CCDC171: variants seen among roughly 807,000 people sequenced by gnomAD.
The protein encoded by CCDC171 is coiled-coil domain-containing protein 171.
In CCDC171, 177 loss-of-function variants were observed where a neutral mutation model predicts 168.2. The ratio of observed to expected loss-of-function variants is 1.05; its 90% CI spans 0.93 to 1.19. The LOEUF (loss-of-function observed/expected upper bound fraction) is 1.19, where lower values mean the gene tolerates loss of function less well. CCDC171 is among the 50% of genes most tolerant of loss of function. The pLI, the probability that CCDC171 is intolerant of heterozygous loss-of-function variation, is 0.00. For missense variants in CCDC171, 1,991 were observed against 1,539.0 expected (o/e 1.29, Z -4.91); for synonymous variants, 687 against 540.8 (o/e 1.27, Z -3.75).
chr9:16,033,949 T>C (rs141322565), intron 6 of CCDC171, among the ~76,000 whole-genome samples: 2,151 of 152,278 alleles, frequency 0.014, 45 homozygotes, highest in African/African-American at 0.048. Flanking sequence ...GGGAGTGGAA[T>C]GGTGTCTTCC....
intron 21 of CCDC171, among the ~76,000 whole-genome samples, chr9:15,840,621 C>T (rs1024161548): frequency 6.6e-6 from 1 of 152,046 alleles, no homozygotes; most frequent in Admixed American, 6.6e-5. Flanking sequence ...GCAGTGCAGC[C>T]AAACTCAGTT....
intron 3 of CCDC171, among the ~76,000 whole-genome samples, chr9:15,578,138 G>A (rs1357356749): frequency 1.3e-5 from 2 of 152,046 alleles, no homozygotes; most frequent in Non-Finnish European, 2.9e-5. Flanking sequence ...GTTCCATTTA[G>A]GGAATAGAAG....
chr9:15,872,557 C>G (rs1480130179), intron 23 of CCDC171, among the ~76,000 whole-genome samples: 1 of 151,854 alleles, frequency 6.6e-6, no homozygotes, highest in Non-Finnish European at 1.5e-5. Flanking sequence ...CCAGGATTTC[C>G]CTAGTGAATT....
At chr9:15,825,671 G>A (rs2059981601) in intron 21 of CCDC171, among the ~76,000 whole-genome samples, 1 of 152,038 alleles carries the variant, frequency 6.6e-6, no homozygotes, top group Non-Finnish European at 1.5e-5. Flanking sequence ...CAAGTTTGGG[G>A]CATTTTCTCT....
At chr9:16,099,159 C>T in the CCDC171 span, among the ~76,000 whole-genome samples, 5 of 152,188 alleles carry the variant, frequency 3.3e-5, no homozygotes, top group African/African-American at 7.2e-5. Flanking sequence ...TTATTTAAAA[C>T]ATCAATTTTT....
intron 24 of CCDC171, among the ~76,000 whole-genome samples, chr9:15,910,232 G>A (rs915943425): frequency 1.3e-5 from 2 of 151,418 alleles, no homozygotes; most frequent in Non-Finnish European, 2.9e-5. Context: ...ATCTGTTGAC[G>A]GACAGTTAGG....
intron 6 of CCDC171, among the ~76,000 whole-genome samples, chr9:16,033,237 TC>T: frequency 6.6e-6 from 1 of 152,232 alleles, no homozygotes; most frequent in East Asian, 1.9e-4. Flanking sequence ...ATTATAGGGG[TC>T]CCCAACCCCT....
intron 7 of CCDC171, among the ~76,000 whole-genome samples, chr9:15,626,921 A>G (rs2045179081): frequency 6.6e-6 from 1 of 152,306 alleles, no homozygotes; most frequent in Non-Finnish European, 1.5e-5. Flanking sequence ...CTCTGGTAGA[A>G]TTTGGTTGTG....
upstream of CCDC171, among the ~76,000 whole-genome samples, chr9:16,041,617 T>C (rs10738426): frequency 0.41 from 61,951 of 152,138 alleles, 14,126 homozygotes; most frequent in East Asian, 0.73. Flanking sequence ...CCTACCTTAG[T>C]GAATATCACT....
chr9:15,961,043 T>G (rs1830284905), intron 25 of CCDC171, among the ~76,000 whole-genome samples: 1 of 152,032 alleles, frequency 6.6e-6, no homozygotes, highest in Non-Finnish European at 1.5e-5. Flanking sequence ...AATTGCAAAA[T>G]GAGAATTTAA....
intron 7 of CCDC171, among the ~76,000 whole-genome samples, chr9:15,655,166 CAAACTT>C (rs1029383029): frequency 3.5e-5 from 3 of 84,638 alleles, no homozygotes; most frequent in Non-Finnish European, 7.1e-5. Flanking sequence ...CATGCACCCT[CAAACTT>C]AAAGTATAAA....
intron 10 of CCDC171, among the ~76,000 whole-genome samples, chr9:15,681,891 C>T (rs1308927080): frequency 6.6e-6 from 1 of 151,954 alleles, no homozygotes; most frequent in African/African-American, 2.4e-5. Context: ...TAATGACATG[C>T]CATGATTTTA....
chr9:15,620,904 A>G (rs1479906824), intron 6 of CCDC171, among the ~76,000 whole-genome samples: 3 of 152,150 alleles, frequency 2.0e-5, no homozygotes, highest in Non-Finnish European at 2.9e-5. Context: ...ATTAAAGATG[A>G]TGACTTCCTG....
At chr9:15,647,246 A>C (rs2132676517) in intron 7 of CCDC171, among the ~76,000 whole-genome samples, 1 of 152,298 alleles carries the variant, frequency 6.6e-6, no homozygotes, top group East Asian at 1.9e-4. Flanking sequence ...GGACACATTC[A>C]AAGCAGTGTG....
chr9:15,922,188 C>T (rs773875825), intron 25 of CCDC171: 1 of 398,548 alleles, frequency 2.5e-6, no homozygotes, highest in Admixed American at 2.4e-5. Context: ...AAACATTCCC[C>T]CAGGTGATTC....
intron 9 of CCDC171, among the ~76,000 whole-genome samples, chr9:15,667,920 T>C (rs1309826224): frequency 6.6e-6 from 1 of 152,252 alleles, no homozygotes; most frequent in Non-Finnish European, 1.5e-5. Context: ...ATTTATCCTT[T>C]ATGTTCTTTG....
At chr9:16,049,265 T>G (rs1833713634) in intron 1 of CCDC171, among the ~76,000 whole-genome samples, 1 of 152,192 alleles carries the variant, frequency 6.6e-6, no homozygotes, top group African/African-American at 2.4e-5. Flanking sequence ...CAGAGATGTG[T>G]GTGGGTGCCA....
chr9:15,799,153 T>C (rs2058698741), intron 21 of CCDC171, among the ~76,000 whole-genome samples: 1 of 144,990 alleles, frequency 6.9e-6, no homozygotes, highest in Non-Finnish European at 1.5e-5. Flanking sequence ...TATATATATA[T>C]ATATATATAT....
chr9:15,855,342 G>A (rs980333587), intron 23 of CCDC171, among the ~76,000 whole-genome samples: 4 of 151,636 alleles, frequency 2.6e-5, no homozygotes, highest in Admixed American at 6.6e-5. Flanking sequence ...AAAGTCTTTC[G>A]TCTGATATTA....
Sources: gnomAD v4.1 joint callset for allele counts (sites outside exome capture counted in the v4.1 genomes callset) on GRCh38, gnomAD v4.1.1 for gene constraint, MANE v1.5 for transcripts, NCBI Gene and HGNC (gene_info 2026-07-23, HGNC 2026-07-21) for gene names.